Variants in CCSER1 observed in about 807,000 individuals in gnomAD.
The protein encoded by CCSER1 is serine-rich coiled-coil domain-containing protein 1.
CCSER1 carries 41 observed loss-of-function variants against 82.0 expected under a neutral mutation model. The ratio of observed to expected loss-of-function variants is 0.50; its 90% CI spans 0.39 to 0.65. The LOEUF is 0.65. Among genes scored for constraint, CCSER1 ranks in the 30% least tolerant of loss-of-function variants. The pLI is 0.00. For synonymous variants in CCSER1, 414 were observed against 383.9 expected (o/e 1.08, Z -0.92); for missense variants, 1,119 against 1,064.2 (o/e 1.05, Z -0.72).
At chr4:90,824,093 C>T (rs780441171) in intron 8 of CCSER1, among the ~76,000 whole-genome samples, 28 of 151,510 alleles carry the variant, frequency 1.8e-4, no homozygotes, top group East Asian at 3.9e-4. Context: ...TTTTTCCTCC[C>T]GTAATGTAAA....
intron 1 of CCSER1, among the ~76,000 whole-genome samples, chr4:90,258,369 G>C (rs897023924): frequency 3.9e-5 from 6 of 152,068 alleles, no homozygotes; most frequent in African/African-American, 1.4e-4. Flanking sequence ...AAAATTAGCT[G>C]GGCGTGGTGG....
chr4:90,814,096 A>G (rs1033261519), intron 7 of CCSER1, among the ~76,000 whole-genome samples: 1 of 152,198 alleles, frequency 6.6e-6, no homozygotes, highest in Non-Finnish European at 1.5e-5. Context: ...CGCAGGCCCA[A>G]CACCACATGT....
intron 10 of CCSER1, among the ~76,000 whole-genome samples, chr4:91,165,730 G>A (rs187522938): frequency 6.6e-4 from 100 of 152,328 alleles, no homozygotes; most frequent in Middle Eastern, 3.4e-3. Flanking sequence ...CATGGCACCC[G>A]CCAAACCAGG....
Position 91,424,001 on chromosome 4 carries a change from C to CTTTTTTTTT in CCSER1, c.2218-174553_2218-174545dup, listed in dbSNP as rs1167472932. ...ATAACACTGTAAGAACTCAGCAGAT[C>CTTTTTTTTT]TTTTTTTTTTTTTTTTTTTTTTTTT... is the stretch of plus-strand genomic sequence containing the variant. On this transcript the variant is annotated intron_variant, in intron 10 of 10. Transcript: ENST00000509176. 3.7e-4 allele frequency among the ~76,000 whole-genome samples: 29 copies of CTTTTTTTTT among 77,470 alleles called. 6 individuals carry two copies. Among genetic ancestry groups the CTTTTTTTTT allele is most frequent in the African/African-American group, 1.3e-3 (24 of 18,722 alleles). The allele number at this position is 77,470 out of a possible 152,430, so 50.8% of individuals were successfully genotyped here.
chr4:91,502,153 C>CT (rs1321960820), intron 10 of CCSER1, among the ~76,000 whole-genome samples: 1 of 152,116 alleles, frequency 6.6e-6, no homozygotes, highest in Non-Finnish European at 1.5e-5. Flanking sequence ...ACTGCCAGGG[C>CT]TTTGAGGAAA....
At chr4:90,603,808 A>G (rs973104856) in intron 5 of CCSER1, among the ~76,000 whole-genome samples, 1 of 152,152 alleles carries the variant, frequency 6.6e-6, no homozygotes, top group African/African-American at 2.4e-5. Flanking sequence ...AGAAGGGAGG[A>G]GAAAAACCCT....
At chr4:91,284,116 A>G (rs536597830) in intron 10 of CCSER1, among the ~76,000 whole-genome samples, 5 of 152,252 alleles carry the variant, frequency 3.3e-5, no homozygotes, top group African/African-American at 9.6e-5. Context: ...CAAAGAAAGA[A>G]GTGACTCTTA....
intron 10 of CCSER1, among the ~76,000 whole-genome samples, chr4:91,227,316 G>A (rs1349496875): frequency 6.6e-6 from 1 of 151,566 alleles, no homozygotes; most frequent in Non-Finnish European, 1.5e-5. Flanking sequence ...AGCAAATAAA[G>A]GAGATCAGCA....
chr4:91,249,780 G>C (rs1345963940), intron 10 of CCSER1, among the ~76,000 whole-genome samples: 1 of 151,790 alleles, frequency 6.6e-6, no homozygotes, highest in Non-Finnish European at 1.5e-5. Context: ...GTTTCTCCTG[G>C]GTATCAGATA....
chr4:90,481,571 T>C (rs568259365), intron 5 of CCSER1, among the ~76,000 whole-genome samples: 2 of 152,360 alleles, frequency 1.3e-5, no homozygotes, highest in East Asian at 3.8e-4. Flanking sequence ...TGAGAGTTTT[T>C]AGCACGAAGT....
At chr4:91,270,941 G>A (rs992186637) in intron 10 of CCSER1, among the ~76,000 whole-genome samples, 39 of 152,210 alleles carry the variant, frequency 2.6e-4, no homozygotes, top group Admixed American at 8.5e-4. Context: ...TGTGTGTGGG[G>A]AAAAAAGCCC....
intron 1 of CCSER1, among the ~76,000 whole-genome samples, chr4:90,305,753 C>G (rs1734147342): frequency 6.6e-6 from 1 of 152,140 alleles, no homozygotes; most frequent in African/African-American, 2.4e-5. Flanking sequence ...AGCACAGCCT[C>G]TATGGAACAC....
intron 1 of CCSER1, among the ~76,000 whole-genome samples, chr4:90,233,506 G>T (rs1022730546): frequency 4.9e-4 from 75 of 152,214 alleles, no homozygotes; most frequent in African/African-American, 1.7e-3. Context: ...ATAGCATGGG[G>T]AGATATACCT....
At chr4:91,475,391 C>T (rs888922652) in intron 10 of CCSER1, among the ~76,000 whole-genome samples, 14 of 151,698 alleles carry the variant, frequency 9.2e-5, no homozygotes, top group African/African-American at 1.7e-4. Context: ...GGTACGAAGG[C>T]GCACATTTAA....
At chr4:90,147,484 T>C (rs537626805) in intron 1 of CCSER1, among the ~76,000 whole-genome samples, 1 of 152,288 alleles carries the variant, frequency 6.6e-6, no homozygotes, top group African/African-American at 2.4e-5. Context: ...ATTATAGATA[T>C]AAAAGTAGTA....
chr4:90,269,073 G>A (rs992063300), intron 1 of CCSER1, among the ~76,000 whole-genome samples: 1 of 152,028 alleles, frequency 6.6e-6, no homozygotes, highest in African/African-American at 2.4e-5. Flanking sequence ...TAAAGAGAGA[G>A]GTAGATCAAT....
intron 7 of CCSER1, among the ~76,000 whole-genome samples, chr4:90,806,647 A>C (rs6822907): frequency 0.34 from 51,458 of 151,650 alleles, 8,891 homozygotes; most frequent in East Asian, 0.42. Flanking sequence ...CAAGCTCATC[A>C]CTGGGTGATC....
intron 4 of CCSER1, among the ~76,000 whole-genome samples, chr4:90,405,908 C>T (rs1753640889): frequency 6.6e-6 from 1 of 151,880 alleles, no homozygotes; most frequent in Admixed American, 6.6e-5. Context: ...AAGAGAAACT[C>T]CTTAAAGCAT....
At chr4:90,245,427 G>C (rs568607900) in intron 1 of CCSER1, among the ~76,000 whole-genome samples, 1 of 152,226 alleles carries the variant, frequency 6.6e-6, no homozygotes, top group South Asian at 2.1e-4. Flanking sequence ...GGTCATGGTA[G>C]GATCTTTAGG....
Sources: gnomAD v4.1 joint callset for allele counts (sites outside exome capture counted in the v4.1 genomes callset) on GRCh38, gnomAD v4.1.1 for gene constraint, MANE v1.5 for transcripts, NCBI Gene and HGNC (gene_info 2026-07-23, HGNC 2026-07-21) for gene names.